PTPN5: variants seen among roughly 807,000 people sequenced by gnomAD.
The protein encoded by PTPN5 is protein tyrosine phosphatase non-receptor type 5.
PTPN5 carries 29 observed loss-of-function variants against 73.9 expected under a neutral mutation model. The observed-to-expected ratio is 0.39, with a 90% CI of 0.29 to 0.54. PTPN5 has a LOEUF of 0.54. PTPN5 is among the 20% of genes least tolerant of loss of function. The pLI is 0.65. For synonymous variants in PTPN5, 267 were observed against 304.7 expected (o/e 0.88, Z 1.29); for missense variants, 652 against 751.4 (o/e 0.87, Z 1.55).
Position 18,765,809 on chromosome 11 carries a change from G to T in PTPN5, c.95C>A (p.Pro32Gln). ...ALDMCCSERL[P>Q]GLPQPIVMEA... is the part of the protein sequence containing the mutation. The stretch of plus-strand genomic sequence containing the variant: ...AGCTGGGTGCTGAGAAGACTCACCC[G>T]GTAGCCTCTCACTGCAGCACATGTC... Residue 32 changes from proline to glutamine, a missense_variant and splice_region_variant, in exon 3 of 15, where the codon CCG (proline) becomes CAG (glutamine). Transcript: ENST00000358540. The T allele has an allele frequency of 6.4e-7, 1 of 1,566,494 alleles. No homozygotes were observed. The highest frequency in any genetic ancestry group is 1.3e-5 in the African/African-American group (1 of 74,184).
intron 1 of PTPN5, among the ~76,000 whole-genome samples, chr11:18,784,373 A>G (rs1851575701): frequency 2.0e-5 from 3 of 152,188 alleles, no homozygotes; most frequent in African/African-American, 7.2e-5. Flanking sequence ...TGAAAACATT[A>G]GGCTAAGTGA....
At chr11:18,782,352 C>T (rs993760013) in intron 1 of PTPN5, among the ~76,000 whole-genome samples, 91 of 152,102 alleles carry the variant, frequency 6.0e-4, no homozygotes, top group African/African-American at 2.0e-3. Context: ...CTCAGCCTCC[C>T]GAGTAGCTGG....
At chr11:18,745,317 C>A (rs777237834) in intron 3 of PTPN5, among the ~76,000 whole-genome samples, 4 of 152,220 alleles carry the variant, frequency 2.6e-5, no homozygotes, top group African/African-American at 4.8e-5. Context: ...TGTCCATGAG[C>A]TGCTCGCTCA....
At chr11:18,767,854 C>A (rs1457590609) in intron 2 of PTPN5, among the ~76,000 whole-genome samples, 3 of 152,220 alleles carry the variant, frequency 2.0e-5, no homozygotes, top group Non-Finnish European at 4.4e-5. Flanking sequence ...CAGGCTTACC[C>A]TAAGTCCCTC....
At chr11:18,743,834 C>T in intron 4 of PTPN5, 172 bp downstream of exon 4, 2 of 738,222 alleles carry the variant, frequency 2.7e-6, no homozygotes, top group Non-Finnish European at 4.1e-6. Context: ...TGCGGTAGCT[C>T]AGAATTCCAG....
At position 18,733,423 on chromosome 11, in the gene PTPN5, AC is replaced by A; in HGVS notation, c.1081-52del. On this transcript the variant is annotated intron_variant, in intron 10 of 14. Transcript: ENST00000358540. The surrounding 1 kb of genome is among the most constrained non-coding windows in gnomAD (Gnocchi z 4.3). The stretch of plus-strand genomic sequence containing the variant: ...CAGGGTCAGAGGCAGTGCTCCCAGG[AC>A]CCCATCCCCACACTCAGGCTCTTCA... The A allele has an allele frequency of 1.2e-6, 2 of 1,609,696 alleles. No individual in the cohort carries two copies. Among genetic ancestry groups the A allele is most frequent in the Non-Finnish European group, 1.7e-6 (2 of 1,176,808 alleles).
At chr11:18,741,544 G>T (rs991169503) in intron 7 of PTPN5, among the ~76,000 whole-genome samples, 3 of 152,168 alleles carry the variant, frequency 2.0e-5, no homozygotes, top group African/African-American at 7.2e-5. Flanking sequence ...GACATCACAT[G>T]GGTAACTCAA....
chr11:18,752,847 G>A (rs962957375), intron 3 of PTPN5, among the ~76,000 whole-genome samples: 2 of 152,212 alleles, frequency 1.3e-5, no homozygotes, highest in African/African-American at 4.8e-5. Flanking sequence ...TGAGACTTAA[G>A]CACAAATGCT....
intron 1 of PTPN5, among the ~76,000 whole-genome samples, chr11:18,788,721 C>T (rs1340972993): frequency 3.3e-5 from 5 of 152,284 alleles, no homozygotes; most frequent in Admixed American, 1.3e-4. Context: ...ACAGGCAATA[C>T]GACACAGAAC....
At chr11:18,770,830 C>A (rs987737335) in intron 2 of PTPN5, among the ~76,000 whole-genome samples, 6 of 152,208 alleles carry the variant, frequency 3.9e-5, no homozygotes, top group African/African-American at 1.2e-4. Context: ...AGACCACCCA[C>A]CCCATTTTCT....
intron 7 of PTPN5, among the ~76,000 whole-genome samples, chr11:18,741,297 G>A (rs191540762): frequency 2.0e-5 from 3 of 152,270 alleles, no homozygotes; most frequent in South Asian, 2.1e-4. Flanking sequence ...CAGGACCCCC[G>A]CTGTCAGGAA....
At chr11:18,777,427 G>A (rs1044297566) in intron 1 of PTPN5, among the ~76,000 whole-genome samples, 3 of 138,236 alleles carry the variant, frequency 2.2e-5, no homozygotes, top group Non-Finnish European at 4.8e-5. Context: ...TCAGGGCCAG[G>A]AAGCTCCTAA....
At chr11:18,761,874 G>C (rs1056936921) in intron 3 of PTPN5, among the ~76,000 whole-genome samples, 1 of 152,208 alleles carries the variant, frequency 6.6e-6, no homozygotes, top group African/African-American at 2.4e-5. Context: ...AGGCATGCAG[G>C]TGTGTGAGCC....
At chr11:18,760,980 G>C (rs752837177) in intron 3 of PTPN5, among the ~76,000 whole-genome samples, 1 of 152,248 alleles carries the variant, frequency 6.6e-6, no homozygotes, top group Non-Finnish European at 1.5e-5. Context: ...ACTGTCTCCT[G>C]CTTACGCATC....
In PTPN5 at chr11:18,742,227, G is replaced by A; in HGVS notation, c.725+35C>T. On this transcript the variant is annotated intron_variant, in intron 7 of 14. Coordinates refer to ENST00000358540, the MANE Select transcript of PTPN5 (RefSeq NM_006906.2). The surrounding 1 kb of genome is among the most constrained non-coding windows in gnomAD (Gnocchi z 4.1). ...CTGATCAGGAGCTAAGAGCTCAAGG[G>A]CCCGTGGAGCCCACCCCTCCTCCAC... 6.2e-7 allele frequency: 1 copy of A among 1,611,978 alleles called. No homozygotes were observed. The highest frequency in any genetic ancestry group is 8.5e-7 in the Non-Finnish European group (1 of 1,178,626).
chr11:18,758,675 GTTTTT>G (rs59126462), intron 3 of PTPN5, among the ~76,000 whole-genome samples: 1 of 150,552 alleles, frequency 6.6e-6, no homozygotes, highest in Non-Finnish European at 1.5e-5. Context: ...GGAAGGATGA[GTTTTT>G]TTTTTTTTTC....
intron 7 of PTPN5, among the ~76,000 whole-genome samples, chr11:18,741,505 C>T (rs1254696472): frequency 6.6e-6 from 1 of 152,170 alleles, no homozygotes; most frequent in African/African-American, 2.4e-5. Flanking sequence ...AGCTAGGTTT[C>T]CTGACTCCAC....
intron 1 of PTPN5, among the ~76,000 whole-genome samples, chr11:18,781,065 C>T (rs1052432038): frequency 2.0e-5 from 3 of 152,162 alleles, no homozygotes; most frequent in Non-Finnish European, 4.4e-5. Context: ...CTAGGCTTGA[C>T]ACAGAGACCT....
chr11:18,790,601 T>G (rs1042902015), intron 1 of PTPN5, among the ~76,000 whole-genome samples: 3 of 152,112 alleles, frequency 2.0e-5, no homozygotes, highest in African/African-American at 7.2e-5. Flanking sequence ...CTCTCCCCTT[T>G]TTTTGGTACC....
Sources: gnomAD v4.1 joint callset for allele counts (sites outside exome capture counted in the v4.1 genomes callset) on GRCh38, gnomAD v4.1.1 for gene constraint, Gnocchi (gnomAD v3.1) non-coding constraint, MANE v1.5 for transcripts, NCBI Gene and HGNC (gene_info 2026-07-23, HGNC 2026-07-21) for gene names.